EIF2S2: variants seen among roughly 807,000 people sequenced by gnomAD.
EIF2S2 encodes the protein eukaryotic translation initiation factor 2 subunit beta, also known as eukaryotic translation initiation factor 2 subunit 2.
A neutral mutation model predicts 44.0 loss-of-function variants in EIF2S2; 4 were observed. That is an observed-to-expected ratio of 0.09 (90% CI 0.04 to 0.21). The LOEUF (loss-of-function observed/expected upper bound fraction) is 0.21, where lower values mean the gene tolerates loss of function less well. EIF2S2 is among the 10% of genes least tolerant of loss of function. EIF2S2 has a pLI of 1.00. For synonymous variants in EIF2S2, 108 were observed against 128.3 expected (o/e 0.84, Z 1.07); for missense variants, 154 against 392.0 (o/e 0.39, Z 5.13).
At chr20:34,096,385 A>G (rs1201062447) in intron 6 of EIF2S2, among the ~76,000 whole-genome samples, 1 of 152,176 alleles carries the variant, frequency 6.6e-6, no homozygotes, top group Non-Finnish European at 1.5e-5. Context: ...GAACTGCTGA[A>G]GCCCAGGAGA....
chr20:34,090,378 C>T, intron 8 of EIF2S2, 139 bp downstream of exon 8: 1 of 536,184 alleles, frequency 1.9e-6, no homozygotes, highest in Non-Finnish European at 3.2e-6. Flanking sequence ...AGAGCCACCT[C>T]CCTTTCACTA....
chr20:34,097,885 C>A (rs1003360793), intron 4 of EIF2S2, among the ~76,000 whole-genome samples: 2 of 152,190 alleles, frequency 1.3e-5, no homozygotes, highest in African/African-American at 2.4e-5. Context: ...GACAAAAGTT[C>A]TCTAAAGACC....
At chr20:34,106,392 C>T (rs2034349917) in intron 1 of EIF2S2, among the ~76,000 whole-genome samples, 1 of 151,112 alleles carries the variant, frequency 6.6e-6, no homozygotes, top group Non-Finnish European at 1.5e-5. Context: ...CTCTATACAA[C>T]ATTTCACTCT....
At chr20:34,109,879 C>T (rs1170429932) in intron 1 of EIF2S2, among the ~76,000 whole-genome samples, 1 of 149,180 alleles carries the variant, frequency 6.7e-6, no homozygotes, top group Non-Finnish European at 1.5e-5. Flanking sequence ...CTGAGGCAGG[C>T]GAATCAGAAG....
At chr20:34,102,887 T>G (rs912336528) in intron 3 of EIF2S2, among the ~76,000 whole-genome samples, 2 of 152,184 alleles carry the variant, frequency 1.3e-5, no homozygotes, top group African/African-American at 4.8e-5. Flanking sequence ...TGCCCACCTG[T>G]TACTTACTCC....
chr20:34,098,225 G>T (rs966285763), intron 4 of EIF2S2, among the ~76,000 whole-genome samples: 1 of 148,534 alleles, frequency 6.7e-6, no homozygotes, highest in African/African-American at 2.5e-5. Flanking sequence ...CAGCCTGGGC[G>T]ACAAGAGTGA....
chr20:34,096,827 C>T lies in EIF2S2; in HGVS notation c.535-22G>A, dbSNP rs567547972. The T allele has an allele frequency of 2.5e-6, 4 of 1,596,750 alleles. No individual in the cohort carries two copies. In the South Asian group the frequency reaches 3.4e-5, roughly 14 times the overall value. ...GCAGCTATAAAAATAAAGTGGTATTCATGAATACGCTTAGTAACTGCAGGG... is the reference window on the plus strand; with the variant it reads ...GCAGCTATAAAAATAAAGTGGTATTTATGAATACGCTTAGTAACTGCAGGG... On this transcript the variant is annotated intron_variant, in intron 5 of 8. Transcript: ENST00000374980.
chr20:34,101,435 CAAATAAATAAGT>C (rs2034294207), intron 3 of EIF2S2, among the ~76,000 whole-genome samples: 1 of 152,002 alleles, frequency 6.6e-6, no homozygotes, highest in Non-Finnish European at 1.5e-5. Flanking sequence ...GACTTTGTCT[CAAATAAATAAGT>C]AAATAAATAA....
chr20:34,103,596 C>T (rs1184329780), intron 2 of EIF2S2, 31 bp from the exon 3 acceptor site: 1 of 1,511,548 alleles, frequency 6.6e-7, no homozygotes, highest in African/African-American at 1.4e-5. Flanking sequence ...TTATTAACAA[C>T]TAAAAGGCAA....
chr20:34,110,429 C>T (rs2034399617), intron 1 of EIF2S2, among the ~76,000 whole-genome samples: 1 of 152,202 alleles, frequency 6.6e-6, no homozygotes, highest in South Asian at 2.1e-4. Flanking sequence ...GTCCTACTAA[C>T]TTTCTGCATG....
At chr20:34,091,924 A>G (rs893061335) in intron 7 of EIF2S2, among the ~76,000 whole-genome samples, 1 of 151,172 alleles carries the variant, frequency 6.6e-6, no homozygotes, top group Non-Finnish European at 1.5e-5. Context: ...CTGTTTGAAG[A>G]AAAAAAAAGG....
chr20:34,100,841 G>A (rs2034287200), intron 3 of EIF2S2, among the ~76,000 whole-genome samples: 1 of 152,002 alleles, frequency 6.6e-6, no homozygotes, highest in African/African-American at 2.4e-5. Flanking sequence ...ATGTAAACAG[G>A]GCATATTAAA....
rs2034259252 is a variant in EIF2S2, at chr20:34,098,578, T to C, written c.353A>G (p.Asp118Gly). The C allele has an allele frequency of 1.2e-6, 2 of 1,614,058 alleles. No individual in the cohort carries two copies. The highest frequency in any genetic ancestry group is 1.7e-6 in the Non-Finnish European group (2 of 1,180,016). The change falls in exon 4 of 9, where the codon GAC (aspartate) becomes GGC (glycine). Residue 118 changes from aspartate (D) to glycine (G), a missense_variant. Physicochemically the swap from Asp to Gly is moderately conservative, Grantham distance 94. Around this residue, in one of 2 missense-constraint regions of EIF2S2, gnomAD observed 134 missense variants for 225.0 expected, o/e 0.60. Transcript: ENST00000374980. ...CTTCTTTTTATTGCCAAGCATAATG[T>C]CAAGGTCATCCTCTGGTTCAGTTGG... Reference protein sequence around the residue: ...QEPTEPEDDLDIMLGNKKKKK... With the variant: ...QEPTEPEDDLGIMLGNKKKKK...
chr20:34,088,800 A>G lies in EIF2S2; in HGVS notation c.*930T>C, dbSNP rs188244868. The G allele has an allele frequency of 6.6e-6, 1 of 152,366 alleles. No homozygotes were observed. Among genetic ancestry groups the G allele is most frequent in the East Asian group, 1.9e-4 (1 of 5,184 alleles). 9.4% of individuals were successfully genotyped at this position (152,366 alleles called of 1,614,324 possible). A position where few individuals can be genotyped will look rare whatever the true frequency, so the allele number is the denominator to read the frequency against. On this transcript the variant is annotated 3_prime_UTR_variant, in exon 9 of 9. Coordinates refer to ENST00000374980, the MANE Select transcript of EIF2S2 (RefSeq NM_003908.5). ...CAGCATTTCTTGGTTTCTCATGGTC[A>G]TATTCAAAAGCGACTTTTAAATCAG...
chr20:34,109,679 AAAAC>A (rs1157015911), intron 1 of EIF2S2, among the ~76,000 whole-genome samples: 1 of 152,070 alleles, frequency 6.6e-6, no homozygotes, highest in Non-Finnish European at 1.5e-5. Context: ...CAAAACAACA[AAAAC>A]AAACAAAAAA....
intron 1 of EIF2S2, 90 bp from the exon 2 acceptor site, chr20:34,105,635 C>A (rs74382556): frequency 6.4e-6 from 8 of 1,245,238 alleles, no homozygotes; most frequent in South Asian, 6.4e-5. Context: ...AAAAGGCATA[C>A]TCTTAAAAGA....
intron 1 of EIF2S2, among the ~76,000 whole-genome samples, chr20:34,107,701 CTTAT>C (rs2034365311): frequency 6.6e-6 from 1 of 152,124 alleles, no homozygotes; most frequent in South Asian, 2.1e-4. Flanking sequence ...ATAACATAAA[CTTAT>C]TTATGTCCCA....
chr20:34,092,445 C>G (rs1275466902), intron 7 of EIF2S2, among the ~76,000 whole-genome samples: 1 of 152,150 alleles, frequency 6.6e-6, no homozygotes, highest in Admixed American at 6.5e-5. Flanking sequence ...CCAAGGCAGG[C>G]GGATCACAAG....
chr20:34,094,591 G>A (rs544298615), intron 6 of EIF2S2, among the ~76,000 whole-genome samples: 22 of 151,938 alleles, frequency 1.4e-4, no homozygotes, highest in African/African-American at 5.1e-4. Context: ...ATGTCTAGAA[G>A]GGTTCCATGG....
Sources: gnomAD v4.1 joint callset for allele counts (sites outside exome capture counted in the v4.1 genomes callset) on GRCh38, gnomAD v4.1.1 for gene constraint, gnomAD v4.1.1 regional missense constraint, MANE v1.5 for transcripts, NCBI Gene and HGNC (gene_info 2026-07-23, HGNC 2026-07-21) for gene names.